Variants in TAF1A observed in about 807,000 individuals in gnomAD.
TAF1A encodes the protein TATA-box binding protein associated factor, RNA polymerase I subunit A, also known as TATA box-binding protein-associated factor RNA polymerase I subunit A.
TAF1A carries 42 observed loss-of-function variants against 61.6 expected under a neutral mutation model. That is an observed-to-expected ratio of 0.68 (90% confidence interval 0.53 to 0.88). The LOEUF (loss-of-function observed/expected upper bound fraction) is 0.88, where lower values mean the gene tolerates loss of function less well. Among genes scored for constraint, TAF1A ranks in the 40% least tolerant of loss-of-function variants. The pLI, the probability that TAF1A is intolerant of heterozygous loss-of-function variation, is 0.00. For missense variants in TAF1A, 424 were observed against 518.7 expected (o/e 0.82, Z 1.77); for synonymous variants, 179 against 177.7 (o/e 1.01, Z -0.06).
chr1:222,557,380 C>T (rs192207320), downstream of TAF1A, among the ~76,000 whole-genome samples: 47 of 152,260 alleles, frequency 3.1e-4, no homozygotes, highest in East Asian at 4.3e-3. Flanking sequence ...ACTATCCCAC[C>T]GGTGAGTTTC....
At chr1:222,583,460 G>A (rs1371048255) in intron 3 of TAF1A, among the ~76,000 whole-genome samples, 1 of 151,510 alleles carries the variant, frequency 6.6e-6, no homozygotes, top group Non-Finnish European at 1.5e-5. Flanking sequence ...TGGAAAAAGA[G>A]AACAACTCTT....
intron 3 of TAF1A, among the ~76,000 whole-genome samples, chr1:222,581,216 C>CA (rs1441382807): frequency 6.6e-6 from 1 of 152,162 alleles, no homozygotes; most frequent in Admixed American, 6.5e-5. Flanking sequence ...AAGAAGTGCT[C>CA]AAAAACCACT....
downstream of TAF1A, among the ~76,000 whole-genome samples, chr1:222,554,112 T>C (rs543529727): frequency 1.1e-3 from 173 of 152,354 alleles, no homozygotes; most frequent in African/African-American, 3.8e-3. Context: ...AAAGTAGTTA[T>C]CACTTTTATT....
intron 2 of TAF1A, 126 bp from the exon 3 acceptor site, chr1:222,584,423 A>T (rs1558154553): frequency 2.7e-6 from 2 of 750,286 alleles, no homozygotes; most frequent in Non-Finnish European, 4.1e-6. Context: ...GCCCATTCCC[A>T]GTACCAAAGC....
chr1:222,569,702 T>C, intron 6 of TAF1A, 34 bp from the exon 7 acceptor site: 1 of 1,580,110 alleles, frequency 6.3e-7, no homozygotes, highest in South Asian at 1.2e-5. Flanking sequence ...CTTAGCTGAA[T>C]TCTGTAAGAC....
intron 2 of TAF1A, 62 bp downstream of exon 2, chr1:222,588,381 T>C (rs1374673224): frequency 6.4e-7 from 1 of 1,559,458 alleles, no homozygotes; most frequent in African/African-American, 1.4e-5. Flanking sequence ...TCATTTTGTA[T>C]CCCTATTGAA....
chr1:222,570,418 T>G, intron 6 of TAF1A, 117 bp downstream of exon 6: 1 of 1,119,848 alleles, frequency 8.9e-7, no homozygotes. Context: ...TATTTTTGCT[T>G]TCTTTTAAAT....
Position 222,569,672 on chromosome 1 carries a change from T to C in TAF1A, c.736-4A>G, listed in dbSNP as rs747105396. 9 of 1,606,418 alleles carry C rather than the reference T, an allele frequency of 5.6e-6. No individual in the cohort carries two copies. Among genetic ancestry groups the C allele is most frequent in the East Asian group, 2.2e-5 (1 of 44,822 alleles). ...GATCCCCATAGAATTCCAGCATCTA[T>C]ATAAAATAAATCATAATATCTTAGC... is the stretch of plus-strand genomic sequence containing the variant. On this transcript the variant is annotated splice_region_variant and splice_polypyrimidine_tract_variant and intron_variant, in intron 6 of 10. Coordinates refer to ENST00000352967, the MANE Select transcript of TAF1A (RefSeq NM_005681.4).
chr1:222,559,108 G>C (rs1207613158), intron 10 of TAF1A, among the ~76,000 whole-genome samples: 2 of 152,152 alleles, frequency 1.3e-5, no homozygotes, highest in Non-Finnish European at 2.9e-5. Flanking sequence ...CTACACCCTA[G>C]TGATGGTGAC....
chr1:222,580,536 A>G (rs1367270163), intron 3 of TAF1A, among the ~76,000 whole-genome samples: 1 of 152,196 alleles, frequency 6.6e-6, no homozygotes, highest in Non-Finnish European at 1.5e-5. Flanking sequence ...CTGTAAATCA[A>G]TTATTTCTAT....
At chr1:222,558,954 T>C (rs1227468474) in intron 10 of TAF1A, among the ~76,000 whole-genome samples, 182 bp from the exon 11 acceptor site, 1 of 152,230 alleles carries the variant, frequency 6.6e-6, no homozygotes, top group Non-Finnish European at 1.5e-5. Flanking sequence ...TTTGTTCCTA[T>C]ATACAAAATT....
Position 222,561,511 on chromosome 1 carries a change from G to C in TAF1A, c.1093C>G (p.Leu365Val). 2.5e-6 allele frequency: 4 copies of C among 1,588,758 alleles called. No individual in the cohort carries two copies. The highest frequency in any genetic ancestry group is 3.4e-6 in the Non-Finnish European group (4 of 1,170,350). ...TTCCACTCTTCTTGAACCCACGCAA[G>C]GTGGTTTCTGGAAAAGAAAAATGTC... Reference protein sequence around the residue: ...YLKNILMGNHLAWVQEEWNSR... With the variant: ...YLKNILMGNHVAWVQEEWNSR... The change falls in exon 10 of 11, where the codon CTT becomes GTT. Residue 365 changes from leucine (L) to valine (V), a missense_variant. Physicochemically the swap from Leu to Val is conservative, Grantham distance 32. Coordinates refer to ENST00000352967, the MANE Select transcript of TAF1A (RefSeq NM_005681.4).
intron 7 of TAF1A, among the ~76,000 whole-genome samples, chr1:222,566,968 A>C (rs1660141965): frequency 6.6e-6 from 1 of 152,220 alleles, no homozygotes; most frequent in Non-Finnish European, 1.5e-5. Flanking sequence ...AAAGAAGTGA[A>C]AGCAGCGAAC....
rs542220062 is a variant in TAF1A, at chr1:222,582,494, G to A, written c.291+1634C>T. 2.0e-5 allele frequency among the ~76,000 whole-genome samples: 3 copies of A among 152,280 alleles called. 1 individual carries two copies. In the South Asian group the frequency reaches 6.2e-4, roughly 32 times the overall value. On this transcript the variant is annotated intron_variant, in intron 3 of 10. Transcript: ENST00000352967. The stretch of plus-strand genomic sequence containing the variant: ...AAATTAGAAGCCTCAGATATTGCTG[G>A]TGAGAATATAAATGGTATGGCCACT...
chr1:222,585,747 C>A (rs558008682), intron 2 of TAF1A, among the ~76,000 whole-genome samples: 1 of 152,212 alleles, frequency 6.6e-6, no homozygotes, highest in South Asian at 2.1e-4. Flanking sequence ...TTGATACATA[C>A]TTTTATTGCA....
Position 222,577,144 on chromosome 1 carries a change from G to C in TAF1A, c.604+301C>G, listed in dbSNP as rs33998667. ...TGGAGTTTAGCTCTTCCTCCTGTCA[G>C]TAGTTACTGAATCAAACCTGTCTCC... On this transcript the variant is annotated intron_variant, in intron 5 of 10. Transcript: ENST00000352967. Among the ~76,000 whole-genome samples, 210 of 148,384 alleles carry C rather than the reference G, an allele frequency of 1.4e-3. 1 individual carries two copies. The highest frequency in any genetic ancestry group is 2.9e-3 in the Admixed American group (42 of 14,468).
downstream of TAF1A, among the ~76,000 whole-genome samples, chr1:222,554,360 G>A (rs563876287): frequency 2.3e-4 from 35 of 152,316 alleles, no homozygotes; most frequent in Non-Finnish European, 4.1e-4. Context: ...AGTCAGCTTC[G>A]TATTTTTTAT....
chr1:222,583,412 C>G (rs369601326), intron 3 of TAF1A, among the ~76,000 whole-genome samples: 1 of 97,634 alleles, frequency 1.0e-5, no homozygotes, highest in African/African-American at 4.1e-5. Context: ...GTATAAAAAA[C>G]GTCTTGATAA....
At chr1:222,583,559 G>A (rs1032621667) in intron 3 of TAF1A, among the ~76,000 whole-genome samples, 1 of 152,140 alleles carries the variant, frequency 6.6e-6, no homozygotes, top group African/African-American at 2.4e-5. Context: ...GATAGAATAG[G>A]CTGGGCATGG....
Sources: gnomAD v4.1 joint callset for allele counts (sites outside exome capture counted in the v4.1 genomes callset) on GRCh38, gnomAD v4.1.1 for gene constraint, MANE v1.5 for transcripts, NCBI Gene and HGNC (gene_info 2026-07-23, HGNC 2026-07-21) for gene names.